Variants in CA13 observed in about 807,000 individuals in gnomAD.
CA13 encodes CA-XIII.
Under a neutral mutation model 31.5 loss-of-function variants are expected in CA13, and 21 were observed. The observed-to-expected ratio is 0.67, with a 90% CI of 0.47 to 0.96. CA13 has a LOEUF of 0.96. CA13 is among the 40% of genes least tolerant of loss of function. The pLI is 0.00. For synonymous variants in CA13, 117 were observed against 111.4 expected (o/e 1.05, Z -0.32); for missense variants, 315 against 318.9 (o/e 0.99, Z 0.09).
At chr8:85,255,643 G>T (rs1004841651) in intron 2 of CA13, among the ~76,000 whole-genome samples, 1 of 152,182 alleles carries the variant, frequency 6.6e-6, no homozygotes. Context: ...CTCCCAAAGT[G>T]CTGGGATTAT....
At chr8:85,248,241 T>C (rs1350077417) in intron 1 of CA13, among the ~76,000 whole-genome samples, 1 of 152,118 alleles carries the variant, frequency 6.6e-6, no homozygotes, top group African/African-American at 2.4e-5. Context: ...GTGGATCACC[T>C]GAGATCGGGA....
chr8:85,276,958 A>G (rs996108662), intron 6 of CA13, among the ~76,000 whole-genome samples: 1 of 152,098 alleles, frequency 6.6e-6, no homozygotes, highest in African/African-American at 2.4e-5. Context: ...ACCAATCGAC[A>G]CTCTGTATCT....
chr8:85,247,915 A>G (rs972846043), intron 1 of CA13, among the ~76,000 whole-genome samples: 1 of 63,440 alleles, frequency 1.6e-5, no homozygotes, highest in African/African-American at 1.1e-4. Flanking sequence ...CTGTTTAAAC[A>G]TTGGTAAACC....
chr8:85,274,813 T>C (rs1807578727), intron 6 of CA13, among the ~76,000 whole-genome samples: 1 of 152,208 alleles, frequency 6.6e-6, no homozygotes, highest in African/African-American at 2.4e-5. Flanking sequence ...TAATATTCGA[T>C]GATGTGTTGC....
At chr8:85,277,540 C>T (rs1040472519) in intron 6 of CA13, among the ~76,000 whole-genome samples, 35 of 152,258 alleles carry the variant, frequency 2.3e-4, no homozygotes, top group African/African-American at 7.9e-4. Flanking sequence ...AGACCAAGAA[C>T]CCACCAATTC....
intron 6 of CA13, among the ~76,000 whole-genome samples, chr8:85,277,953 A>G (rs1230784330): frequency 2.0e-5 from 3 of 152,004 alleles, no homozygotes; most frequent in African/African-American, 7.3e-5. Context: ...GGGCCTGAGG[A>G]GGGAGGAAGT....
chr8:85,261,664 G>C (rs186536397), intron 3 of CA13, among the ~76,000 whole-genome samples: 20 of 152,202 alleles, frequency 1.3e-4, no homozygotes, highest in Non-Finnish European at 1.5e-5. Context: ...AACCTCAGGT[G>C]ATCTGTCTGC....
At chr8:85,251,529 A>G (rs770734852) in intron 2 of CA13, among the ~76,000 whole-genome samples, 4 of 152,236 alleles carry the variant, frequency 2.6e-5, no homozygotes, top group African/African-American at 4.8e-5. Flanking sequence ...TTATAAAAAT[A>G]TTAAAGTTTA....
intron 2 of CA13, among the ~76,000 whole-genome samples, chr8:85,258,030 T>C (rs1483335916): frequency 2.0e-5 from 3 of 148,498 alleles, no homozygotes; most frequent in Non-Finnish European, 4.5e-5. Flanking sequence ...TATATAAATA[T>C]AAATTTATAT....
chr8:85,260,891 A>G (rs1185076484), intron 3 of CA13, among the ~76,000 whole-genome samples: 1 of 152,206 alleles, frequency 6.6e-6, no homozygotes, highest in East Asian at 1.9e-4. Flanking sequence ...AACTCAGGAA[A>G]ATTGGTCAAA....
intron 6 of CA13, among the ~76,000 whole-genome samples, chr8:85,272,564 T>C (rs2129996239): frequency 6.6e-6 from 1 of 152,276 alleles, no homozygotes; most frequent in African/African-American, 2.4e-5. Context: ...ACCCATTTCA[T>C]TAACTTTTAT....
In CA13 at chr8:85,283,878, A is replaced by G. The variant is rs1256970181; in HGVS notation, c.*2529A>G. 6.6e-6 allele frequency: 1 copy of G among 152,280 alleles called. No individual in the cohort carries two copies. The highest frequency in any genetic ancestry group is 6.5e-5 in the Admixed American group (1 of 15,284). The allele number at this position is 152,280 out of a possible 1,614,324, so 9.4% of individuals were successfully genotyped here. On this transcript the variant is annotated 3_prime_UTR_variant, in exon 7 of 7. Transcript: ENST00000321764. Reference sequence around the variant, plus strand: ...CCTTGAATATTGTGTGTTAATTGATATATCTTCTAGAGGCAAAAGGTTTAA... The same window carrying G: ...CCTTGAATATTGTGTGTTAATTGATGTATCTTCTAGAGGCAAAAGGTTTAA...
chr8:85,253,986 T>TA (rs903556598), intron 2 of CA13, among the ~76,000 whole-genome samples: 1 of 151,786 alleles, frequency 6.6e-6, no homozygotes, highest in African/African-American at 2.4e-5. Context: ...GATAAATAAA[T>TA]AAAAAAATAA....
intron 6 of CA13, among the ~76,000 whole-genome samples, chr8:85,275,969 A>G (rs1221560812): frequency 1.3e-5 from 2 of 152,212 alleles, no homozygotes; most frequent in African/African-American, 4.8e-5. Flanking sequence ...GCGGCACTTG[A>G]GGAGCCCTTC....
At chr8:85,279,414 C>T (rs571165022) in intron 6 of CA13, among the ~76,000 whole-genome samples, 1 of 152,290 alleles carries the variant, frequency 6.6e-6, no homozygotes, top group East Asian at 1.9e-4. Flanking sequence ...CAGGGTCGAC[C>T]TAGCTGGGCC....
chr8:85,250,460 C>A (rs1041389077), intron 1 of CA13, among the ~76,000 whole-genome samples: 1 of 151,200 alleles, frequency 6.6e-6, no homozygotes, highest in African/African-American at 2.5e-5. Context: ...TAGAAGGTTA[C>A]CTTTGGAGAG....
At chr8:85,267,783 G>A in intron 4 of CA13, 119 bp from the exon 5 acceptor site, 1 of 590,922 alleles carries the variant, frequency 1.7e-6, no homozygotes, top group Non-Finnish European at 3.0e-6. Context: ...AACAATCACT[G>A]TATGTTCTGT....
At chr8:85,268,692 T>C in intron 6 of CA13, 65 bp downstream of exon 6, 2 of 1,322,330 alleles carry the variant, frequency 1.5e-6, no homozygotes, top group Non-Finnish European at 2.1e-6. Flanking sequence ...TTTTTTTTTT[T>C]TTCAACCCTG....
In CA13 at chr8:85,268,672, C is replaced by T. The variant is rs762031452; in HGVS notation, c.669+45C>T. ...TTGATACTGATTCCCTCAGAGGAAA[C>T]TGGGCTTTTTTTTTTTTTTTTTCAA... On this transcript the variant is annotated intron_variant, in intron 6 of 6. Coordinates refer to ENST00000321764, the MANE Select transcript of CA13 (RefSeq NM_198584.3). 5.3e-6 allele frequency: 7 copies of T among 1,326,430 alleles called. No individual in the cohort carries two copies. The Admixed American group carries it at 1.0e-4, about 19-fold the overall frequency. The allele number at this position is 1,326,430 out of a possible 1,614,324, so 82.2% of individuals were successfully genotyped here.
Sources: allele counts gnomAD v4.1 joint callset (sites outside exome capture counted in the v4.1 genomes callset), GRCh38; gene constraint gnomAD v4.1.1; transcripts MANE v1.5; gene names NCBI Gene and HGNC (gene_info 2026-07-23, HGNC 2026-07-21).